DHRS2: variants seen among roughly 807,000 people sequenced by gnomAD.
DHRS2 encodes the protein dehydrogenase/reductase SDR family member 2, mitochondrial.
DHRS2 carries 29 observed loss-of-function variants against 26.3 expected under a neutral mutation model. The observed-to-expected ratio is 1.10, with a 90% CI of 0.82 to 1.50. The LOEUF is 1.50. Among genes scored for constraint, DHRS2 ranks in the 40% most tolerant of loss-of-function variants. The probability of loss-of-function intolerance (pLI) is 0.00; values close to 1 mark genes in which losing one functional copy is unlikely to be tolerated. For missense variants in DHRS2, 439 were observed against 367.1 expected (o/e 1.20, Z -1.60); for synonymous variants, 164 against 151.3 (o/e 1.08, Z -0.62).
chr14:23,640,560 G>C (rs369045303), intron 4 of DHRS2: 23 of 469,238 alleles, frequency 4.9e-5, no homozygotes, highest in Middle Eastern at 2.2e-3. Context: ...CTCATGTTTT[G>C]TTTTCTGTTC....
In DHRS2 at chr14:23,644,395, A is replaced by C; in HGVS notation, c.541-14A>C. 12 of 1,613,926 alleles carry C rather than the reference A, an allele frequency of 7.4e-6. No homozygotes were observed. Among genetic ancestry groups the C allele is most frequent in the Non-Finnish European group, 1.0e-5 (12 of 1,179,978 alleles). ...TCTCCCATATCCTAATCACTCTGTC[A>C]ATTCCCTTCCCAGGCGCTGGGTGTC... On this transcript the variant is annotated splice_polypyrimidine_tract_variant and intron_variant, in intron 6 of 8. Transcript: ENST00000250383.
At chr14:23,643,388 T>G in intron 5 of DHRS2, 169 bp downstream of exon 5, 1 of 628,374 alleles carries the variant, frequency 1.6e-6, no homozygotes, top group South Asian at 1.9e-5. Context: ...CCATTCCCAA[T>G]TCCAGTGGCT....
chr14:23,637,204 G>C (rs1258355955), intron 1 of DHRS2, among the ~76,000 whole-genome samples: 1 of 152,048 alleles, frequency 6.6e-6, no homozygotes, highest in Non-Finnish European at 1.5e-5. Context: ...TCTTCTCCTA[G>C]GCTAGTCCCA....
At chr14:23,643,631 AC>A in intron 5 of DHRS2, 1 of 266,912 alleles carries the variant, frequency 3.7e-6, no homozygotes, top group Non-Finnish European at 7.3e-6. Context: ...GTCTCCAGGG[AC>A]CCTGCCTGTG....
At chr14:23,640,535 T>TA (rs1424948006) in intron 4 of DHRS2, 74 of 637,606 alleles carry the variant, frequency 1.2e-4, no homozygotes, top group Non-Finnish European at 1.4e-4. Context: ...CCCAGTGACT[T>TA]CTGTTCCCTT....
intron 1 of DHRS2, among the ~76,000 whole-genome samples, chr14:23,631,214 T>G (rs760107822): frequency 6.6e-6 from 1 of 152,218 alleles, no homozygotes; most frequent in Non-Finnish European, 1.5e-5. Flanking sequence ...GATGCTATAC[T>G]AGAGTCAGGT....
intron 4 of DHRS2, chr14:23,641,676 G>A: frequency 1.6e-6 from 2 of 1,289,808 alleles, no homozygotes; most frequent in African/African-American, 1.5e-5. Flanking sequence ...GGACCTCAGG[G>A]TGGTACCCAC....
intron 4 of DHRS2, 134 bp from the exon 5 acceptor site, chr14:23,643,018 G>C (rs1438962273): frequency 2.4e-6 from 2 of 820,288 alleles, no homozygotes; most frequent in Non-Finnish European, 4.0e-6. Context: ...CCAGTCAGAA[G>C]GGGGATTGGT....
At chr14:23,643,989 G>A in intron 5 of DHRS2, 122 bp from the exon 6 acceptor site, 1 of 985,390 alleles carries the variant, frequency 1.0e-6, no homozygotes. Flanking sequence ...ACTCTGAGAT[G>A]GGGACAGTAA....
Position 23,645,420 on chromosome 14 carries a change from C to T in DHRS2, c.*167C>T, listed in dbSNP as rs553290736. On this transcript the variant is annotated 3_prime_UTR_variant, in exon 9 of 9. Coordinates refer to ENST00000250383, the MANE Select transcript of DHRS2 (RefSeq NM_005794.4). ...AAGAAGAAAAACGCTTCGGCATTCT[C>T]CTTAGGACTTATCTGCTTGTAGATT... 117 of 1,392,506 alleles carry T rather than the reference C, an allele frequency of 8.4e-5. No individual in the cohort carries two copies. The South Asian group carries it at 1.5e-3, about 18-fold the overall frequency. 86.3% of individuals were successfully genotyped at this position (1,392,506 alleles called of 1,614,324 possible).
chr14:23,635,004 C>T (rs1472087839), upstream of DHRS2, among the ~76,000 whole-genome samples: 4 of 152,182 alleles, frequency 2.6e-5, no homozygotes, highest in African/African-American at 7.2e-5. Context: ...GCTTCCTGTA[C>T]AGCCTGTGGA....
intron 7 of DHRS2, 27 bp downstream of exon 7, chr14:23,644,570 C>G (rs1890799150): frequency 6.2e-7 from 1 of 1,614,184 alleles, no homozygotes. Flanking sequence ...TCTTCCATCT[C>G]CCAGTCTGGC....
intron 1 of DHRS2, chr14:23,638,516 C>T: frequency 4.6e-6 from 1 of 216,058 alleles, no homozygotes; most frequent in South Asian, 7.3e-5. Flanking sequence ...GTCCCCGCCT[C>T]TACTGCCCAG....
At chr14:23,634,606 T>C (rs1566695943), upstream of DHRS2, among the ~76,000 whole-genome samples, 1 of 152,222 alleles carries the variant, frequency 6.6e-6, no homozygotes, top group Non-Finnish European at 1.5e-5. Context: ...TCCTTTATGT[T>C]GTTCAGTGTG....
intron 1 of DHRS2, 37 bp from the exon 2 acceptor site, chr14:23,638,790 G>C: frequency 1.3e-6 from 2 of 1,541,350 alleles, no homozygotes; most frequent in East Asian, 2.3e-5. Context: ...TGCTCACTGA[G>C]GCATCAGTGA....
rs560690909 is a variant in DHRS2 at position 23,639,204 on chromosome 14, C to T, written c.166C>T (p.Leu56=). The part of the protein sequence containing the change: ...SGIGFAIARR[L]ARDGAHVVIS... ...GATCGGCTTTGCCATCGCCCGACGT[C>T]TGGCCCGGGACGGGGCCCACGTGGT... is the stretch of plus-strand genomic sequence containing the variant. Residue 56 remains leucine (L), a synonymous_variant, in exon 3 of 9, where the codon CTG becomes TTG. Transcript: ENST00000250383. The T allele has an allele frequency of 4.3e-6, 7 of 1,613,896 alleles. No individual in the cohort carries two copies. The South Asian group carries it at 6.6e-5, about 15-fold the overall frequency.
At chr14:23,640,259 G>C in intron 4 of DHRS2, 1 of 992,102 alleles carries the variant, frequency 1.0e-6, no homozygotes, top group Non-Finnish European at 1.2e-6. Flanking sequence ...TTTTTGTATG[G>C]TACACCCTTT....
chr14:23,639,883 G>T lies in DHRS2; in HGVS notation c.408G>T (p.Gln136His), dbSNP rs748890031. 4 of 1,604,036 alleles carry T rather than the reference G, an allele frequency of 2.5e-6. No homozygotes were observed. In the Admixed American group the frequency reaches 6.8e-5, roughly 27 times the overall value. ...LVGSTLGTSE[Q>H]IWDKILSVNV... ...GGAGCACTCTGGGGACCAGTGAGCA[G>T]ATCTGGGACAAGGTGAGAGGCCTCC... Residue 136 changes from glutamine (Q) to histidine (H), a missense_variant, in exon 4 of 9, where the codon CAG (glutamine) becomes CAT (histidine). Physicochemically the swap from Gln to His is conservative, Grantham distance 24. Coordinates refer to ENST00000250383, the MANE Select transcript of DHRS2 (RefSeq NM_005794.4).
chr14:23,642,213 G>C (rs1890698212), intron 4 of DHRS2: 3 of 979,980 alleles, frequency 3.1e-6, no homozygotes, highest in Non-Finnish European at 3.7e-6. Flanking sequence ...CGATAAGCTG[G>C]TGTGTGTAGG....
Sources: allele counts gnomAD v4.1 joint callset (sites outside exome capture counted in the v4.1 genomes callset), GRCh38; gene constraint gnomAD v4.1.1; transcripts MANE v1.5; gene names NCBI Gene and HGNC (gene_info 2026-07-23, HGNC 2026-07-21).